RNF167: variants seen among roughly 807,000 people sequenced by gnomAD.
RNF167 encodes the protein E3 ubiquitin-protein ligase RNF167.
Under a neutral mutation model 34.8 loss-of-function variants are expected in RNF167, and 19 were observed. That is an observed-to-expected ratio of 0.55 (90% CI 0.38 to 0.80). RNF167 has a LOEUF of 0.80. Among genes scored for constraint, RNF167 ranks in the 30% least tolerant of loss-of-function variants. The probability of loss-of-function intolerance (pLI) is 0.00; values close to 1 mark genes in which losing one functional copy is unlikely to be tolerated. For missense variants in RNF167, 464 were observed against 447.0 expected (o/e 1.04, Z -0.34); for synonymous variants, 200 against 170.4 (o/e 1.17, Z -1.35).
intron 8 of RNF167, 124 bp downstream of exon 8, chr17:4,943,643 A>T: frequency 7.5e-6 from 6 of 795,270 alleles, no homozygotes; most frequent in Non-Finnish European, 1.3e-5. Context: ...CGTAATCCCA[A>T]GTGCCTCTAA....
At position 4,942,723 on chromosome 17, in the gene RNF167, G is replaced by A. The variant is rs1449633710; in HGVS notation, c.379+59G>A. 3.1e-6 allele frequency: 5 copies of A among 1,595,702 alleles called. No individual in the cohort carries two copies. In the African/African-American group the frequency reaches 5.4e-5, roughly 17 times the overall value. On this transcript the variant is annotated intron_variant, in intron 5 of 9. Coordinates refer to ENST00000262482, the MANE Select transcript of RNF167 (RefSeq NM_015528.3). ...CAGTAGGACCCAGAGATGGTGGGAA[G>A]GCTGAAGGCCTCAGGAAAAGAAGCC...
chr17:4,940,802 G>T lies in RNF167; in HGVS notation c.-108G>T. On this transcript the variant is annotated 5_prime_UTR_variant, in exon 2 of 10. Transcript: ENST00000262482. ...TAGCTGGGAAGTGGGACCTGGGGGT[G>T]GTTGGACCCCTGGGATCCTAAAGGA... The T allele has an allele frequency of 2.0e-6, 2 of 990,370 alleles. No homozygotes were observed. Among genetic ancestry groups the T allele is most frequent in the Non-Finnish European group, 1.4e-6 (1 of 692,116 alleles). 61.3% of individuals were successfully genotyped at this position (990,370 alleles called of 1,614,324 possible).
intron 8 of RNF167, among the ~76,000 whole-genome samples, chr17:4,943,859 G>A (rs1396386664): frequency 2.0e-5 from 3 of 152,332 alleles, no homozygotes; most frequent in African/African-American, 4.8e-5. Context: ...GGGCATGGTG[G>A]TGTGCACTTG....
At chr17:4,940,217 T>C, upstream of RNF167, 1 of 282,064 alleles carries the variant, frequency 3.5e-6, no homozygotes, top group Non-Finnish European at 6.5e-6. Context: ...TGTTTGAAGG[T>C]CTCGCGAGAT....
upstream of RNF167, chr17:4,940,216 G>A (rs1199448373): frequency 3.5e-6 from 1 of 288,982 alleles, no homozygotes; most frequent in Non-Finnish European, 6.3e-6. Flanking sequence ...TTGTTTGAAG[G>A]TCTCGCGAGA....
At chr17:4,942,555 G>C (rs750466381) in intron 4 of RNF167, 22 bp from the exon 5 acceptor site, 1 of 1,613,974 alleles carries the variant, frequency 6.2e-7, no homozygotes, top group African/African-American at 1.3e-5. Context: ...ATGGCTCCTT[G>C]TCCTCTGCCT....
At chr17:4,940,460 C>T (rs1970675437) in intron 1 of RNF167, 27 bp from the exon 2 acceptor site, 1 of 161,694 alleles carries the variant, frequency 6.2e-6, no homozygotes, top group Admixed American at 6.5e-5. Flanking sequence ...CCCTCCATCG[C>T]TAACCTTTTT....
rs779606985 is a variant in RNF167, at chr17:4,944,759, A to G, written c.796A>G (p.Lys266Glu). The G allele has an allele frequency of 1.9e-6, 3 of 1,613,374 alleles. No individual in the cohort carries two copies. The highest frequency in any genetic ancestry group is 2.5e-6 in the Non-Finnish European group (3 of 1,179,638). Residue 266 changes from lysine to glutamate, a missense_variant, in exon 10 of 10, where the codon AAG (lysine) becomes GAG (glutamate). Transcript: ENST00000262482. ...GGACCCCTGGCTCACTCAGACCCGG[A>G]AGACCTGCCCCATTTGCAAGCAGCC... Reference protein sequence around the residue: ...CVDPWLTQTRKTCPICKQPVH... With the variant: ...CVDPWLTQTRETCPICKQPVH...
At chr17:4,942,220 G>A (rs1970883277) in intron 3 of RNF167, 121 bp from the exon 4 acceptor site, 1 of 1,165,846 alleles carries the variant, frequency 8.6e-7, no homozygotes, top group Non-Finnish European at 1.2e-6. Context: ...TCAGACCCCA[G>A]GAAGGAGGAG....
Position 4,944,726 on chromosome 17 carries a change from C to T in RNF167, c.763C>T (p.Arg255Cys), listed in dbSNP as rs777022842. The T allele has an allele frequency of 1.8e-5, 29 of 1,613,918 alleles. No homozygotes were observed. The highest frequency in any genetic ancestry group is 4.5e-5 in the East Asian group (2 of 44,882). ...GTTCCTCTCTGCAGCCTACCACAGC[C>T]GCTGCGTGGACCCCTGGCTCACTCA... Reference protein sequence around the residue: ...VLPCAHAYHSRCVDPWLTQTR... With the variant: ...VLPCAHAYHSCCVDPWLTQTR... The change falls in exon 10 of 10, where the codon CGC becomes TGC. Residue 255 changes from arginine to cysteine, a missense_variant. By Grantham distance (180) the Arg-to-Cys change is radical. Coordinates refer to ENST00000262482, the MANE Select transcript of RNF167 (RefSeq NM_015528.3).
chr17:4,941,178 T>G (rs909511815), intron 3 of RNF167, 21 bp downstream of exon 3: 3 of 1,594,160 alleles, frequency 1.9e-6, no homozygotes, highest in Non-Finnish European at 2.6e-6. Flanking sequence ...TTCTTTTCTT[T>G]TCCTCCTTCC....
chr17:4,941,706 T>C (rs1430260006), intron 3 of RNF167, among the ~76,000 whole-genome samples: 3 of 152,004 alleles, frequency 2.0e-5, no homozygotes, highest in African/African-American at 7.2e-5. Flanking sequence ...ACATCTGTAA[T>C]CCCAGTTCAA....
chr17:4,941,380 G>A (rs550262507), intron 3 of RNF167, among the ~76,000 whole-genome samples: 1 of 152,172 alleles, frequency 6.6e-6, no homozygotes, highest in African/African-American at 2.4e-5. Flanking sequence ...GGAACTCCGA[G>A]GTTATCAGGG....
At chr17:4,943,069 T>G in intron 6 of RNF167, 110 bp from the exon 7 acceptor site, 1 of 1,298,460 alleles carries the variant, frequency 7.7e-7, no homozygotes, top group Non-Finnish European at 1.1e-6. Flanking sequence ...TTGACTTTCT[T>G]CCCATTCCTG....
chr17:4,940,650 T>A lies in RNF167; in HGVS notation c.-260T>A. ...AGTTTTTCTGTCACCTGTGTTAGGC[T>A]CCGTCCCCTTTCCGCGTTTTATCCC... On this transcript the variant is annotated 5_prime_UTR_variant, in exon 2 of 10. Coordinates refer to ENST00000262482, the MANE Select transcript of RNF167 (RefSeq NM_015528.3). 2.5e-6 allele frequency: 1 copy of A among 401,162 alleles called. No homozygotes were observed. The highest frequency in any genetic ancestry group is 2.1e-5 in the African/African-American group (1 of 48,710). The allele number at this position is 401,162 out of a possible 1,614,324, so 24.9% of individuals were successfully genotyped here.
chr17:4,940,686 A>G lies in RNF167; in HGVS notation c.-224A>G, dbSNP rs1034181067. On this transcript the variant is annotated 5_prime_UTR_variant, in exon 2 of 10. Transcript: ENST00000262482. Reference sequence around the variant, plus strand: ...TCCGCGTTTTATCCCCGTACCAGAAAAGGATACATTTAGTGCCTCCCACCC... The same window carrying G: ...TCCGCGTTTTATCCCCGTACCAGAAGAGGATACATTTAGTGCCTCCCACCC... The G allele has an allele frequency of 1.4e-5, 6 of 433,596 alleles. No homozygotes were observed. Among genetic ancestry groups the G allele is most frequent in the African/African-American group, 1.2e-4 (6 of 49,250 alleles). The allele number at this position is 433,596 out of a possible 1,614,324, so 26.9% of individuals were successfully genotyped here.
At chr17:4,942,221 G>A in intron 3 of RNF167, 120 bp from the exon 4 acceptor site, 4 of 1,169,012 alleles carry the variant, frequency 3.4e-6, no homozygotes, top group Admixed American at 2.1e-5. Flanking sequence ...CAGACCCCAG[G>A]AAGGAGGAGG....
rs781669481 is a variant in RNF167 at position 4,944,870 on chromosome 17, C to T, written c.907C>T (p.Pro303Ser). 3.7e-6 allele frequency: 6 copies of T among 1,613,842 alleles called. No homozygotes were observed. In the South Asian group the frequency reaches 4.4e-5, roughly 12 times the overall value. ...TGATGAAGGGGAGCCAAGGGACCAC[C>T]CTGCCTCAGAAAGGACCCCACTTTT... Reference protein sequence around the residue: ...EGDEGEPRDHPASERTPLLGS... With the variant: ...EGDEGEPRDHSASERTPLLGS... Residue 303 changes from proline to serine, a missense_variant, in exon 10 of 10, where the codon CCT becomes TCT. Pro to Ser is a moderately conservative substitution (Grantham distance 74). Coordinates refer to ENST00000262482, the MANE Select transcript of RNF167 (RefSeq NM_015528.3).
Position 4,940,832 on chromosome 17 carries a change from C to T in RNF167, c.-78C>T, listed in dbSNP as rs1189317056. On this transcript the variant is annotated 5_prime_UTR_variant, in exon 2 of 10. Coordinates refer to ENST00000262482, the MANE Select transcript of RNF167 (RefSeq NM_015528.3). ...GACCCCTGGGATCCTAAAGGAGGGG[C>T]AGGGAGGGCGCAGAACTCCGCTTCT... 3.7e-6 allele frequency: 5 copies of T among 1,344,350 alleles called. No homozygotes were observed. The Admixed American group carries it at 9.4e-5, about 25-fold the overall frequency. 83.3% of individuals were successfully genotyped at this position (1,344,350 alleles called of 1,614,324 possible). A position where few individuals can be genotyped will look rare whatever the true frequency, so the allele number is the denominator to read the frequency against.
Sources: gnomAD v4.1 joint callset for allele counts (sites outside exome capture counted in the v4.1 genomes callset) on GRCh38, gnomAD v4.1.1 for gene constraint, MANE v1.5 for transcripts, NCBI Gene and HGNC (gene_info 2026-07-23, HGNC 2026-07-21) for gene names.